Variants in BACH2 observed in about 807,000 individuals in gnomAD.
The protein encoded by BACH2 is transcription regulator protein BACH2.
In BACH2, 5 loss-of-function variants were observed where a neutral mutation model predicts 61.8. The ratio of observed to expected loss-of-function variants is 0.08; its 90% CI spans 0.04 to 0.17. The LOEUF is 0.17. BACH2 is among the 10% of genes least tolerant of loss of function. The probability of loss-of-function intolerance (pLI) is 1.00; values close to 1 mark genes in which losing one functional copy is unlikely to be tolerated. For synonymous variants in BACH2, 446 were observed against 440.1 expected (o/e 1.01, Z -0.17); for missense variants, 824 against 1,091.1 (o/e 0.76, Z 3.45).
chr6:89,968,941 G>A (rs1326930282), intron 6 of BACH2, among the ~76,000 whole-genome samples: 1 of 152,086 alleles, frequency 6.6e-6, no homozygotes, highest in Non-Finnish European at 1.5e-5. Flanking sequence ...AATCTGGGAG[G>A]CGGAGGTTGC....
intron 4 of BACH2, among the ~76,000 whole-genome samples, chr6:90,180,445 G>C (rs1381441236): frequency 8.5e-5 from 13 of 152,102 alleles, no homozygotes. Flanking sequence ...ACTGTATAGT[G>C]GTAAATCCTG....
chr6:90,139,840 G>C (rs2474614), intron 4 of BACH2, among the ~76,000 whole-genome samples: 2,991 of 152,292 alleles, frequency 0.02, 75 homozygotes, highest in African/African-American at 0.062. Context: ...AGGAAGATAA[G>C]TGGCCATAAA....
chr6:90,201,463 A>G (rs188327215), intron 4 of BACH2, among the ~76,000 whole-genome samples: 19 of 152,204 alleles, frequency 1.2e-4, no homozygotes, highest in Non-Finnish European at 2.2e-4. Context: ...TTTGTTGATC[A>G]TATTTCTTTC....
chr6:90,189,336 C>T (rs1393401992), intron 4 of BACH2, among the ~76,000 whole-genome samples: 4 of 151,008 alleles, frequency 2.6e-5, no homozygotes, highest in Non-Finnish European at 5.9e-5. Context: ...CGGCCGGGCG[C>T]GGTGGCTCAC....
intron 3 of BACH2, among the ~76,000 whole-genome samples, chr6:90,248,551 G>A (rs1471909416): frequency 6.6e-6 from 1 of 152,210 alleles, no homozygotes; most frequent in East Asian, 1.9e-4. Context: ...TAAGGGTGGA[G>A]ATCAGGGAAG....
intron 4 of BACH2, among the ~76,000 whole-genome samples, chr6:90,102,695 C>T (rs866442447): frequency 1.3e-5 from 2 of 151,502 alleles, no homozygotes; most frequent in Non-Finnish European, 2.9e-5. Context: ...GAGGACGAGG[C>T]AGGAGAATCA....
intron 4 of BACH2, among the ~76,000 whole-genome samples, chr6:90,175,579 C>T (rs978150686): frequency 2.7e-5 from 4 of 150,498 alleles, no homozygotes; most frequent in African/African-American, 9.8e-5. Context: ...AGTGTTGGGG[C>T]GGTGGGGGGT....
In BACH2 at chr6:90,025,991, G is replaced by A. The variant is rs117130821; in HGVS notation, c.-12-17135C>T. Reference sequence around the variant, plus strand: ...TACCTAGTGCACAGTTCAACACAGGGCTCATAACTCCTCCCCAAAACTTCT... The same window carrying A: ...TACCTAGTGCACAGTTCAACACAGGACTCATAACTCCTCCCCAAAACTTCT... On this transcript the variant is annotated intron_variant, in intron 5 of 8. Transcript: ENST00000257749. Among the ~76,000 whole-genome samples, 1,128 of 152,232 alleles carry A rather than the reference G, an allele frequency of 7.4e-3. 7 individuals carry two copies. The highest frequency in any genetic ancestry group is 0.017 in the Middle Eastern group (5 of 294).
intron 5 of BACH2, among the ~76,000 whole-genome samples, chr6:90,062,062 G>C (rs991967392): frequency 2.6e-5 from 4 of 152,180 alleles, no homozygotes; most frequent in African/African-American, 9.7e-5. Context: ...GAAAGATTTA[G>C]TACAAAGGGA....
At chr6:89,982,242 G>C (rs926214327) in intron 6 of BACH2, among the ~76,000 whole-genome samples, 3 of 152,184 alleles carry the variant, frequency 2.0e-5, no homozygotes, top group African/African-American at 7.2e-5. Context: ...CCTGAGGCAG[G>C]TGGTAAAATA....
At chr6:90,259,485 G>C (rs934412787) in intron 2 of BACH2, among the ~76,000 whole-genome samples, 1 of 152,088 alleles carries the variant, frequency 6.6e-6, no homozygotes, top group Non-Finnish European at 1.5e-5. Flanking sequence ...ATATTTTACT[G>C]GGGCTTTTTG....
chr6:90,064,437 A>G (rs1780840028), intron 5 of BACH2, among the ~76,000 whole-genome samples: 1 of 152,196 alleles, frequency 6.6e-6, no homozygotes, highest in African/African-American at 2.4e-5. Context: ...GGTCCAGACA[A>G]GAAGGAGCAT....
At chr6:90,295,684 T>TGC (rs1772330457) in intron 1 of BACH2, among the ~76,000 whole-genome samples, 1 of 150,292 alleles carries the variant, frequency 6.7e-6, no homozygotes, top group African/African-American at 2.5e-5. Context: ...TGTGTGTGTG[T>TGC]TGCACCTTGA....
At chr6:90,127,248 C>A (rs189308429) in intron 4 of BACH2, among the ~76,000 whole-genome samples, 5 of 151,426 alleles carry the variant, frequency 3.3e-5, no homozygotes, top group South Asian at 2.1e-4. Flanking sequence ...ATTGTAAATG[C>A]CACCCTCCAG....
intron 6 of BACH2, among the ~76,000 whole-genome samples, chr6:89,959,897 G>A (rs938312753): frequency 2.0e-5 from 3 of 152,140 alleles, no homozygotes; most frequent in South Asian, 2.1e-4. Context: ...ACAGGTGGGT[G>A]AGCTCAGAAG....
Position 89,928,735 on chromosome 6 carries a change from TA to T in BACH2, c.*3672del, listed in dbSNP as rs939917796. The T allele has an allele frequency of 1.3e-5, 2 of 152,736 alleles. No homozygotes were observed. The allele number at this position is 152,736 out of a possible 1,614,324, so 9.5% of individuals were successfully genotyped here. A position where few individuals can be genotyped will look rare whatever the true frequency, so the allele number is the denominator to read the frequency against. On this transcript the variant is annotated 3_prime_UTR_variant, in exon 9 of 9. Transcript: ENST00000257749. ...AGCAAACCTTTAGAAAGACAGTTAA[TA>T]AATTACTCGCACAACATTCAGTTGC... is the stretch of plus-strand genomic sequence containing the variant.
chr6:90,215,681 G>T (rs1769510561), intron 3 of BACH2, among the ~76,000 whole-genome samples: 1 of 152,082 alleles, frequency 6.6e-6, no homozygotes, highest in South Asian at 2.1e-4. Context: ...CCATATTTAG[G>T]TTCCATATGT....
At chr6:89,964,091 G>T (rs1774909984) in intron 6 of BACH2, among the ~76,000 whole-genome samples, 1 of 151,774 alleles carries the variant, frequency 6.6e-6, no homozygotes, top group Non-Finnish European at 1.5e-5. Context: ...AGCATCGGGA[G>T]ATATACCTAA....
In BACH2 at chr6:90,118,686, T is replaced by C. The variant is rs532588936; in HGVS notation, c.-161-29577A>G. On this transcript the variant is annotated intron_variant, in intron 4 of 8. Coordinates refer to ENST00000257749, the MANE Select transcript of BACH2 (RefSeq NM_021813.4). ...GTCATGGAAAGACCAAGATGCGCTCTTAAGAAAAGTTGACCATATTAAGCC... is the reference window on the plus strand; with the variant it reads ...GTCATGGAAAGACCAAGATGCGCTCCTAAGAAAAGTTGACCATATTAAGCC... 2.0e-4 allele frequency among the ~76,000 whole-genome samples: 31 copies of C among 152,302 alleles called. 1 individual carries two copies. In the South Asian group the frequency reaches 6.4e-3, roughly 32 times the overall value.
Sources: allele counts gnomAD v4.1 joint callset (sites outside exome capture counted in the v4.1 genomes callset), GRCh38; gene constraint gnomAD v4.1.1; transcripts MANE v1.5; gene names NCBI Gene and HGNC (gene_info 2026-07-23, HGNC 2026-07-21).